Variants in BRD2 observed in about 807,000 individuals in gnomAD.
BRD2 encodes the protein bromodomain-containing protein 2.
BRD2 carries 15 observed loss-of-function variants against 79.1 expected under a neutral mutation model. The observed-to-expected ratio is 0.19, with a 90% confidence interval of 0.13 to 0.29. BRD2 has a LOEUF of 0.29. Ranked by LOEUF, BRD2 falls within the 10% of genes least tolerant of loss-of-function variation. BRD2 has a pLI of 1.00. For missense variants in BRD2, 1,053 were observed against 991.3 expected, an observed-to-expected ratio of 1.06 and a Z score of -0.84; for synonymous variants, 488 against 358.6, an observed-to-expected ratio of 1.36 and a Z score of -4.08.
At chr6:32,979,049 TTTTTTTTGTTAGTTTGTTTTTTGTTTTG>T (rs1779156479) in intron 10 of BRD2, 1 of 142,380 alleles carries the variant, frequency 7.0e-6, no homozygotes, top group Non-Finnish European at 1.6e-5. Flanking sequence ...TGTGTTTTGT[TTTTTTTTGTTAGTTTGTTTTTTGTTTTG>T]TTTTTTTTAA....
At position 32,980,744 on chromosome 6, in the gene BRD2, G is replaced by A; in HGVS notation, c.*26G>A. 1 of 1,611,466 alleles carries A rather than the reference G, an allele frequency of 6.2e-7. No homozygotes were observed. The highest frequency in any genetic ancestry group is 8.5e-7 in the Non-Finnish European group (1 of 1,179,932). ...GGGGTCAGGCCAGATGGGGCAGGAA[G>A]GCTCCGCAGGACCGGACCCCTAGAC... On this transcript the variant is annotated 3_prime_UTR_variant, in exon 13 of 13. Transcript: ENST00000374825.
Position 32,978,154 on chromosome 6 carries a change from C to T in BRD2, c.1607C>T (p.Ala536Val). The change falls in exon 10 of 13, where the codon GCT becomes GTT. Residue 536 changes from alanine to valine, a missense_variant. Ala to Val is a moderately conservative substitution (Grantham distance 64). Around this residue, in one of 5 missense-constraint regions of BRD2, gnomAD observed 454 missense variants for 430.5 expected, o/e 1.05. Coordinates refer to ENST00000374825, the MANE Select transcript of BRD2 (RefSeq NM_005104.4). ...CGGGCAGTACATGAACAACTGGCTG[C>T]TCTGTCCCAGGGTCCAATATCCAAG... ...QLRAVHEQLA[A>V]LSQGPISKPK... 1 of 1,612,664 alleles carries T rather than the reference C, an allele frequency of 6.2e-7. No homozygotes were observed. Among genetic ancestry groups the T allele is most frequent in the East Asian group, 2.2e-5 (1 of 44,876 alleles).
Position 32,980,713 on chromosome 6 carries a change from G to C in BRD2, c.2401G>C (p.Gly801Arg), listed in dbSNP as rs2127529037. 1 of 1,612,790 alleles carries C rather than the reference G, an allele frequency of 6.2e-7. No homozygotes were observed. Among genetic ancestry groups the C allele is most frequent in the Non-Finnish European group, 8.5e-7 (1 of 1,180,036 alleles). The change falls in exon 13 of 13, where the codon GGC becomes CGC. Residue 801 changes from glycine to arginine, a missense_variant. This residue lies in a region of BRD2 where 139 missense variants were observed against 133.2 expected (regional missense o/e 1.04). Coordinates refer to ENST00000374825, the MANE Select transcript of BRD2 (RefSeq NM_005104.4). ...SSSDTSDSDS[G>R] ...TTCAGACACCAGTGATTCAGACTCA[G>C]GCTAAGGGGTCAGGCCAGATGGGGC... is the stretch of plus-strand genomic sequence containing the variant.
chr6:32,973,652 C>G (rs915173992), intron 2 of BRD2, among the ~76,000 whole-genome samples: 5 of 151,968 alleles, frequency 3.3e-5, no homozygotes, highest in African/African-American at 1.2e-4. Flanking sequence ...CCACTGTTAG[C>G]GTTTGGTGTC....
At position 32,976,645 on chromosome 6, in the gene BRD2, T is replaced by A. The variant is rs749066167; in HGVS notation, c.909T>A (p.Pro303=). 2.5e-6 allele frequency: 4 copies of A among 1,612,636 alleles called. No homozygotes were observed. The highest frequency in any genetic ancestry group is 2.5e-6 in the Non-Finnish European group (3 of 1,179,980). ...CTCCTGGTTCTCCAGCTAGCCCTCC[T>A]GGGAGTCTTGAGCCTAAGGCAGCAC... ...ILAPGSPASP[P]GSLEPKAARL... The change falls in exon 7 of 13, where the codon CCT becomes CCA. Residue 303 remains proline (P), a synonymous_variant. Coordinates refer to ENST00000374825, the MANE Select transcript of BRD2 (RefSeq NM_005104.4).
intron 4 of BRD2, 113 bp downstream of exon 4, chr6:32,975,634 AG>A: frequency 9.6e-6 from 13 of 1,356,506 alleles, no homozygotes; most frequent in Non-Finnish European, 1.3e-5. Flanking sequence ...GGTGTTATCC[AG>A]GTAGGGTAGT....
rs1006654874 is a variant in BRD2, at chr6:32,972,075, C to T, written c.-824C>T. 1.4e-6 allele frequency: 1 copy of T among 697,480 alleles called. No individual in the cohort carries two copies. Among genetic ancestry groups the T allele is most frequent in the Non-Finnish European group, 2.6e-6 (1 of 382,512 alleles). The allele number at this position is 697,480 out of a possible 1,614,324, so 43.2% of individuals were successfully genotyped here. ...CTTCCCCTTCGACTCAGCTTCTTCA[C>T]CCGCGTGAGCGAGCGCGCGCGCGCG... On this transcript the variant is annotated 5_prime_UTR_variant, in exon 2 of 13. Coordinates refer to ENST00000374825, the MANE Select transcript of BRD2 (RefSeq NM_005104.4).
At chr6:32,975,663 G>A (rs922371289) in intron 4 of BRD2, 142 bp downstream of exon 4, 3 of 1,002,372 alleles carry the variant, frequency 3.0e-6, no homozygotes, top group Non-Finnish European at 4.4e-6. Context: ...TTAAAAACCT[G>A]ACTCTAGATG....
chr6:32,969,376 C>T, intron 1 of BRD2: 2 of 716,562 alleles, frequency 2.8e-6, no homozygotes, highest in East Asian at 2.7e-5. Context: ...CATCGGCGGC[C>T]GAGGGAGGGG....
rs757878871 is a variant in BRD2, at chr6:32,976,676, C to A, written c.940C>A (p.Pro314Thr). ...GSLEPKAARLPPMRRESGRPI... is the reference protein window; with the variant it reads ...GSLEPKAARLTPMRRESGRPI... Reference sequence around the variant, plus strand: ...TCTTGAGCCTAAGGCAGCACGGCTTCCCCCTATGCGTAGAGAGAGTGGTCG... The same window carrying A: ...TCTTGAGCCTAAGGCAGCACGGCTTACCCCTATGCGTAGAGAGAGTGGTCG... Residue 314 changes from proline (P) to threonine (T), a missense_variant, in exon 7 of 13, where the codon CCC becomes ACC. Physicochemically the swap from Pro to Thr is conservative, Grantham distance 38. This residue lies in a region of BRD2 where 454 missense variants were observed against 430.5 expected (regional missense o/e 1.05). Coordinates refer to ENST00000374825, the MANE Select transcript of BRD2 (RefSeq NM_005104.4). The A allele has an allele frequency of 1.9e-6, 3 of 1,613,078 alleles. No homozygotes were observed. The highest frequency in any genetic ancestry group is 2.5e-6 in the Non-Finnish European group (3 of 1,180,038).
At position 32,980,831 on chromosome 6, in the gene BRD2, G is replaced by GC. The variant is rs1191686833; in HGVS notation, c.*119dup. ...ACACTTCTTCATCTCACCCCCCCCC[G>GC]CCCCCCTCTAGGAGAGCTGGCTCTG... On this transcript the variant is annotated 3_prime_UTR_variant, in exon 13 of 13. Transcript: ENST00000374825. 23 of 1,184,908 alleles carry GC rather than the reference G, an allele frequency of 1.9e-5. No homozygotes were observed. The highest frequency in any genetic ancestry group is 4.5e-5 in the African/African-American group (2 of 44,564). 73.4% of individuals were successfully genotyped at this position (1,184,908 alleles called of 1,614,324 possible). A position where few individuals can be genotyped will look rare whatever the true frequency, so the allele number is the denominator to read the frequency against.
At chr6:32,980,500 C>T (rs1307045231) in intron 12 of BRD2, 36 bp downstream of exon 12, 19 of 1,612,474 alleles carry the variant, frequency 1.2e-5, no homozygotes, top group African/African-American at 4.0e-5. Flanking sequence ...CAGATTGACT[C>T]CATCCTGCCT....
Position 32,976,847 on chromosome 6 carries a change from C to G in BRD2, c.1111C>G (p.Pro371Ala). Residue 371 changes from proline to alanine, a missense_variant, in exon 7 of 13, where the codon CCT becomes GCT. Pro to Ala is a conservative substitution (Grantham distance 27, BLOSUM62 -1). Around this residue, in one of 5 missense-constraint regions of BRD2, gnomAD observed 454 missense variants for 430.5 expected, o/e 1.05. Coordinates refer to ENST00000374825, the MANE Select transcript of BRD2 (RefSeq NM_005104.4). ...TAAGAAGCATGCTGCCTATGCTTGG[C>G]CTTTCTATAAACCAGTGGATGCTTC... Reference protein sequence around the residue: ...LSKKHAAYAWPFYKPVDASAL... With the variant: ...LSKKHAAYAWAFYKPVDASAL... 6.2e-7 allele frequency: 1 copy of G among 1,613,164 alleles called. No individual in the cohort carries two copies. Among genetic ancestry groups the G allele is most frequent in the Non-Finnish European group, 8.5e-7 (1 of 1,180,028 alleles).
rs1778033473 is a variant in BRD2, at chr6:32,971,932, C to T, written c.-967C>T. Reference sequence around the variant, plus strand: ...TTGGCTTGGAGATGTGGCGGGTTGCCACTTCCCTGTGGGTCTCTGCGGCAC... The same window carrying T: ...TTGGCTTGGAGATGTGGCGGGTTGCTACTTCCCTGTGGGTCTCTGCGGCAC... On this transcript the variant is annotated 5_prime_UTR_variant, in exon 2 of 13. Coordinates refer to ENST00000374825, the MANE Select transcript of BRD2 (RefSeq NM_005104.4). 4.3e-6 allele frequency: 3 copies of T among 702,720 alleles called. No individual in the cohort carries two copies. Among genetic ancestry groups the T allele is most frequent in the East Asian group, 2.7e-5 (1 of 37,274 alleles). 43.5% of individuals were successfully genotyped at this position (702,720 alleles called of 1,614,324 possible).
At chr6:32,969,093 A>C (rs1216533548) in intron 1 of BRD2, 37 bp downstream of exon 1, 2 of 498,148 alleles carry the variant, frequency 4.0e-6, no homozygotes, top group Non-Finnish European at 7.3e-6. Flanking sequence ...GATGTCAGTC[A>C]AGTGCTTAAC....
intron 1 of BRD2, chr6:32,969,459 A>G (rs1582872255): frequency 9.0e-6 from 6 of 663,456 alleles, no homozygotes; most frequent in South Asian, 1.6e-5. Flanking sequence ...GGAGTTGGCC[A>G]CCCATGTTGT....
chr6:32,980,284 G>A (rs1199705093), intron 11 of BRD2, 58 bp from the exon 12 acceptor site: 1 of 1,603,256 alleles, frequency 6.2e-7, no homozygotes, highest in South Asian at 1.1e-5. Flanking sequence ...AACCTTAGGG[G>A]CCCATAATAA....
At chr6:32,980,164 C>T (rs190795461) in intron 11 of BRD2, 32 bp downstream of exon 11, 3 of 1,598,322 alleles carry the variant, frequency 1.9e-6, no homozygotes, top group East Asian at 2.2e-5. Context: ...TCTCATGGTT[C>T]TGAGGACAGT....
Position 32,981,045 on chromosome 6 carries a change from C to T in BRD2, c.*327C>T, listed in dbSNP as rs890925884. On this transcript the variant is annotated 3_prime_UTR_variant, in exon 13 of 13. Transcript: ENST00000374825. ...GAGGCCACAGCTGCCCTATTCACTTCTAAGGGCCCTGTTTTGAGATTGTTT... is the reference window on the plus strand; with the variant it reads ...GAGGCCACAGCTGCCCTATTCACTTTTAAGGGCCCTGTTTTGAGATTGTTT... 2 of 280,660 alleles carry T rather than the reference C, an allele frequency of 7.1e-6. No individual in the cohort carries two copies. Among genetic ancestry groups the T allele is most frequent in the Non-Finnish European group, 1.4e-5 (2 of 146,068 alleles). 17.4% of individuals were successfully genotyped at this position (280,660 alleles called of 1,614,324 possible). A position where few individuals can be genotyped will look rare whatever the true frequency, so the allele number is the denominator to read the frequency against.
Sources: gnomAD v4.1 joint callset for allele counts (sites outside exome capture counted in the v4.1 genomes callset) on GRCh38, gnomAD v4.1.1 for gene constraint, gnomAD v4.1.1 regional missense constraint, MANE v1.5 for transcripts, NCBI Gene and HGNC (gene_info 2026-07-23, HGNC 2026-07-21) for gene names.